Variants in ITPR2 observed in about 807,000 individuals in gnomAD.
ITPR2 encodes the protein inositol 1,4,5-trisphosphate receptor type 2.
ITPR2 carries 207 observed loss-of-function variants against 317.1 expected under a neutral mutation model. The observed-to-expected ratio is 0.65, with a 90% CI of 0.58 to 0.73. The LOEUF (loss-of-function observed/expected upper bound fraction) is 0.73. ITPR2 is among the 30% of genes least tolerant of loss of function. The pLI, the probability that ITPR2 is intolerant of heterozygous loss-of-function variation, is 0.00. For synonymous variants in ITPR2, 1,156 were observed against 1,149.1 expected (o/e 1.01, Z -0.12); for missense variants, 2,613 against 3,284.0 (o/e 0.80, Z 4.99).
At chr12:26,798,076 T>C (rs1950485772) in intron 1 of ITPR2, among the ~76,000 whole-genome samples, 1 of 152,124 alleles carries the variant, frequency 6.6e-6, no homozygotes, top group African/African-American at 2.4e-5. Flanking sequence ...CTTGACTACA[T>C]GAATTTCTCC....
Position 26,654,121 on chromosome 12 carries a change from G to T in ITPR2, c.2595C>A (p.Val865=). ...AGTATATAAGATTCCGAGCCAAGTG[G>T]ACCACCTTAATAAAAAAAAAAAAGC... ...KEKNKLTFEV[V]HLARNLIYFG... is the part of the protein sequence containing the mutation. Residue 865 remains valine, a synonymous_variant, in exon 21 of 57, where the codon GTC becomes GTA. Transcript: ENST00000381340. 1 of 699,014 alleles carries T rather than the reference G, an allele frequency of 1.4e-6. No homozygotes were observed. Among genetic ancestry groups the T allele is most frequent in the South Asian group, 1.6e-5 (1 of 63,632 alleles). 43.3% of individuals were successfully genotyped at this position (699,014 alleles called of 1,614,324 possible).
chr12:26,584,452 AT>A (rs1256625102), intron 32 of ITPR2, among the ~76,000 whole-genome samples: 1 of 152,152 alleles, frequency 6.6e-6, no homozygotes, highest in East Asian at 1.9e-4. Context: ...GTTAAGTGAA[AT>A]TTCTAGATAC....
intron 2 of ITPR2, among the ~76,000 whole-genome samples, chr12:26,760,150 G>A (rs866996044): frequency 4.6e-5 from 7 of 152,160 alleles, no homozygotes; most frequent in Non-Finnish European, 7.4e-5. Context: ...TACTCAGGGT[G>A]CAGCAAATTC....
intron 2 of ITPR2, among the ~76,000 whole-genome samples, chr12:26,744,132 C>G (rs1014194553): frequency 6.6e-6 from 1 of 152,212 alleles, no homozygotes; most frequent in Non-Finnish European, 1.5e-5. Context: ...CAGGGCCCAA[C>G]AGCCTCTGCT....
chr12:26,780,671 C>T (rs1484722218), intron 2 of ITPR2, among the ~76,000 whole-genome samples: 1 of 152,180 alleles, frequency 6.6e-6, no homozygotes, highest in Non-Finnish European at 1.5e-5. Context: ...TGTTCTGAAT[C>T]AGCATCCAAT....
intron 2 of ITPR2, among the ~76,000 whole-genome samples, chr12:26,745,708 G>A (rs972610192): frequency 2.6e-5 from 4 of 152,144 alleles, no homozygotes; most frequent in African/African-American, 9.7e-5. Flanking sequence ...TAGTTATAAC[G>A]TGTTTTTTGT....
At position 26,425,404 on chromosome 12, in the gene ITPR2, C is replaced by G. The variant is rs183475148; in HGVS notation, c.6945+2509G>C. On this transcript the variant is annotated intron_variant, in intron 49 of 56. Transcript: ENST00000381340. ...CTCTGAGCGGCCAGGCGCAGTGGCT[C>G]ACGCATGTAATCCCAGCACTTTGGG... Among the ~76,000 whole-genome samples the G allele has an allele frequency of 2.6e-5, 4 of 152,064 alleles. No individual in the cohort carries two copies. The East Asian group carries it at 7.7e-4, about 29-fold the overall frequency.
intron 9 of ITPR2, among the ~76,000 whole-genome samples, chr12:26,708,466 G>A (rs1210976091): frequency 6.6e-6 from 1 of 152,132 alleles, no homozygotes; most frequent in Non-Finnish European, 1.5e-5. Flanking sequence ...TAAAACTGGA[G>A]GACATTATGT....
At chr12:26,427,824 C>G (rs1941106066) in intron 49 of ITPR2, 89 bp downstream of exon 49, 2 of 803,304 alleles carry the variant, frequency 2.5e-6, no homozygotes, top group Non-Finnish European at 3.4e-6. Flanking sequence ...ACCATGCATA[C>G]ATGAATTAAA....
intron 2 of ITPR2, among the ~76,000 whole-genome samples, chr12:26,776,669 C>T (rs1383521558): frequency 1.3e-5 from 2 of 152,144 alleles, no homozygotes; most frequent in Admixed American, 1.3e-4. Flanking sequence ...GAAACATCTT[C>T]CCCATCCCCA....
chr12:26,491,398 G>A (rs967838219), intron 39 of ITPR2, among the ~76,000 whole-genome samples: 2 of 149,258 alleles, frequency 1.3e-5, no homozygotes, highest in Non-Finnish European at 3.0e-5. Flanking sequence ...AAGGAGAATG[G>A]CGTGAACCCA....
intron 9 of ITPR2, among the ~76,000 whole-genome samples, chr12:26,696,537 A>G (rs1948353990): frequency 6.6e-6 from 1 of 152,164 alleles, no homozygotes; most frequent in Admixed American, 6.5e-5. Context: ...AATACCAATG[A>G]GGGTTCTGAA....
intron 55 of ITPR2, among the ~76,000 whole-genome samples, chr12:26,383,562 C>T (rs371574347): frequency 2.6e-5 from 4 of 151,898 alleles, no homozygotes; most frequent in African/African-American, 4.8e-5. Flanking sequence ...CGGCTTACTA[C>T]AAGCTCCACC....
intron 23 of ITPR2, 53 bp from the exon 24 acceptor site, chr12:26,624,409 A>T: frequency 8.2e-7 from 1 of 1,213,656 alleles, no homozygotes; most frequent in Non-Finnish European, 1.2e-6. Flanking sequence ...ATTAGGAGCC[A>T]TAATAGTCAT....
At chr12:26,686,173 T>A (rs917840869) in intron 11 of ITPR2, among the ~76,000 whole-genome samples, 1 of 152,064 alleles carries the variant, frequency 6.6e-6, no homozygotes, top group Admixed American at 6.5e-5. Flanking sequence ...AAATAAATGA[T>A]AAATATATAA....
At chr12:26,631,198 A>G (rs1377979390) in intron 22 of ITPR2, among the ~76,000 whole-genome samples, 1 of 152,212 alleles carries the variant, frequency 6.6e-6, no homozygotes, top group African/African-American at 2.4e-5. Flanking sequence ...GGTATTTTCA[A>G]ACTTAAAAAC....
chr12:26,437,866 A>G (rs535879526), intron 47 of ITPR2, among the ~76,000 whole-genome samples: 1 of 152,180 alleles, frequency 6.6e-6, no homozygotes, highest in East Asian at 1.9e-4. Flanking sequence ...CAGTGTTGCA[A>G]CCTCGGCTCA....
intron 2 of ITPR2, among the ~76,000 whole-genome samples, chr12:26,756,341 A>G (rs1364637950): frequency 1.3e-5 from 2 of 152,222 alleles, no homozygotes; most frequent in Admixed American, 1.3e-4. Context: ...TGGGTAATGT[A>G]AAAATCTGGA....
intron 52 of ITPR2, among the ~76,000 whole-genome samples, chr12:26,400,489 C>A (rs191865396): frequency 6.6e-6 from 1 of 152,032 alleles, no homozygotes; most frequent in Admixed American, 6.5e-5. Context: ...AGCAAACTTA[C>A]GTTTTAAAAA....
Sources: gnomAD v4.1 joint callset for allele counts (sites outside exome capture counted in the v4.1 genomes callset) on GRCh38, gnomAD v4.1.1 for gene constraint, MANE v1.5 for transcripts, NCBI Gene and HGNC (gene_info 2026-07-23, HGNC 2026-07-21) for gene names.